SORCS1: variants seen among roughly 807,000 people sequenced by gnomAD.
SORCS1 encodes the protein VPS10 domain-containing receptor SorCS1.
A neutral mutation model predicts 146.1 loss-of-function variants in SORCS1; 60 were observed. That is an observed-to-expected ratio of 0.41 (90% CI 0.33 to 0.51). The LOEUF (loss-of-function observed/expected upper bound fraction) is 0.51, where lower values mean the gene tolerates loss of function less well. SORCS1 is among the 20% of genes least tolerant of loss of function. SORCS1 has a pLI of 0.21. For synonymous variants in SORCS1, 637 were observed against 584.0 expected (o/e 1.09, Z -1.31); for missense variants, 1,352 against 1,487.6 (o/e 0.91, Z 1.50).
intron 1 of SORCS1, among the ~76,000 whole-genome samples, chr10:107,027,083 T>C (rs1038940136): frequency 7.0e-6 from 1 of 142,784 alleles, no homozygotes; most frequent in African/African-American, 2.8e-5. Context: ...CAGATATACA[T>C]ATATATACAT....
chr10:106,764,551 CAGAACACGG>C (rs1564944772), intron 4 of SORCS1, among the ~76,000 whole-genome samples: 5 of 152,142 alleles, frequency 3.3e-5, no homozygotes, highest in Admixed American at 3.3e-4. Context: ...TTTTGACTGT[CAGAACACGG>C]AACTGAGAAC....
At chr10:107,087,822 T>C (rs7074109) in intron 1 of SORCS1, among the ~76,000 whole-genome samples, 69,090 of 152,176 alleles carry the variant, frequency 0.45, 16,129 homozygotes, top group Middle Eastern at 0.64. Context: ...TCTGCAGAAA[T>C]CTTCCCATAG....
At chr10:106,706,447 G>A in intron 8 of SORCS1, 98 bp downstream of exon 8, 1 of 1,163,556 alleles carries the variant, frequency 8.6e-7, no homozygotes, top group Admixed American at 1.8e-5. Context: ...AAGAAAACAT[G>A]ACTATGAGAG....
chr10:106,709,728 G>A (rs1296040660), intron 6 of SORCS1, among the ~76,000 whole-genome samples: 1 of 152,082 alleles, frequency 6.6e-6, no homozygotes, highest in Non-Finnish European at 1.5e-5. Context: ...GATTACAGGC[G>A]TGAGCCACCG....
At chr10:106,706,457 G>A (rs1854537803) in intron 8 of SORCS1, 88 bp downstream of exon 8, 1 of 1,262,614 alleles carries the variant, frequency 7.9e-7, no homozygotes, top group Non-Finnish European at 1.2e-6. Context: ...GACTATGAGA[G>A]GCTGAAAGAG....
intron 19 of SORCS1, among the ~76,000 whole-genome samples, chr10:106,623,618 C>T (rs760685081): frequency 6.6e-6 from 1 of 151,924 alleles, no homozygotes; most frequent in African/African-American, 2.4e-5. Flanking sequence ...AAATTCGAAT[C>T]TTGTTAGTAA....
chr10:106,679,957 T>C (rs1216377597), intron 10 of SORCS1, among the ~76,000 whole-genome samples: 1 of 152,178 alleles, frequency 6.6e-6, no homozygotes, highest in Non-Finnish European at 1.5e-5. Context: ...AAGACCACCT[T>C]CATTTTAGGT....
intron 1 of SORCS1, among the ~76,000 whole-genome samples, chr10:107,016,151 A>C (rs1374161742): frequency 2.6e-5 from 4 of 152,234 alleles, no homozygotes. Context: ...AGAATAGACA[A>C]ATTGACAAAC....
In SORCS1 at chr10:106,679,253, T is replaced by C. The variant is rs371839968; in HGVS notation, c.1740+3A>G. 270 of 1,608,764 alleles carry C rather than the reference T, an allele frequency of 1.7e-4. No homozygotes were observed. The highest frequency in any genetic ancestry group is 2.0e-4 in the Non-Finnish European group (241 of 1,177,424). On this transcript the variant is annotated splice_donor_region_variant and intron_variant, in intron 12 of 25. Transcript: ENST00000263054. ...AGCGATTTGACCCAGGGTATTTTCT[T>C]ACCTGTCTCCAGGTGTTCCCTGCAT...
chr10:106,821,925 A>G (rs974790939), intron 3 of SORCS1, among the ~76,000 whole-genome samples: 9 of 152,018 alleles, frequency 5.9e-5, no homozygotes, highest in Admixed American at 5.9e-4. Flanking sequence ...CCATCTCAAA[A>G]AAATAAAAAA....
intron 1 of SORCS1, among the ~76,000 whole-genome samples, chr10:107,054,468 C>G (rs1388788314): frequency 6.6e-6 from 1 of 152,062 alleles, no homozygotes. Context: ...GAGAGATTCC[C>G]ATGTATGTAT....
At position 106,760,579 on chromosome 10, in the gene SORCS1, G is replaced by A. The variant is rs1859018359; in HGVS notation, c.959+1009C>T. On this transcript the variant is annotated intron_variant, in intron 5 of 25. Coordinates refer to ENST00000263054, the MANE Select transcript of SORCS1 (RefSeq NM_052918.5). ...CAGGAACCAAATCTGCCGGCACATT[G>A]ATCTCGAACTCCCCAGCCTCCAGAA... is the stretch of plus-strand genomic sequence containing the variant. Among the ~76,000 whole-genome samples the A allele has an allele frequency of 2.0e-5, 3 of 151,568 alleles. No individual in the cohort carries two copies. In the South Asian group the frequency reaches 6.3e-4, roughly 32 times the overall value.
rs181038868 is a variant in SORCS1, at chr10:106,971,691, C to T, written c.559-15111G>A. Among the ~76,000 whole-genome samples, 10 of 152,296 alleles carry T rather than the reference C, an allele frequency of 6.6e-5. No individual in the cohort carries two copies. The East Asian group carries it at 1.4e-3, about 21-fold the overall frequency. ...AGGTTTATTGATTTTCCTGTTCTTT[C>T]GTTCAAGAGTGTTAGCTTTCATGCA... On this transcript the variant is annotated intron_variant, in intron 1 of 25. Coordinates refer to ENST00000263054, the MANE Select transcript of SORCS1 (RefSeq NM_052918.5).
intron 2 of SORCS1, among the ~76,000 whole-genome samples, chr10:106,920,141 C>T (rs1952642019): frequency 6.6e-6 from 1 of 152,142 alleles, no homozygotes; most frequent in African/African-American, 2.4e-5. Context: ...TACACCAGAA[C>T]AATGACCCCA....
At position 106,667,776 on chromosome 10, in the gene SORCS1, T is replaced by C. The variant is rs1851276444; in HGVS notation, c.2216A>G (p.Asn739Ser). The change falls in exon 17 of 26, where the codon AAT becomes AGT. Residue 739 changes from asparagine (N) to serine (S), a missense_variant. Coordinates refer to ENST00000263054, the MANE Select transcript of SORCS1 (RefSeq NM_052918.5). ...DCDYGYERHS[N>S]GQCLPAFWFN... is the part of the protein sequence containing the mutation. ...CCAAAATGCCGGCAGGCACTGGCCA[T>C]TGCTGTGTCGCTCATAACCATAGTC... 3 of 1,613,898 alleles carry C rather than the reference T, an allele frequency of 1.9e-6. No homozygotes were observed. The highest frequency in any genetic ancestry group is 2.2e-5 in the South Asian group (2 of 91,032).
At chr10:107,113,180 A>G (rs1250878978) in intron 1 of SORCS1, among the ~76,000 whole-genome samples, 1 of 152,242 alleles carries the variant, frequency 6.6e-6, no homozygotes, top group African/African-American at 2.4e-5. Flanking sequence ...ATGGTATAAA[A>G]CTATAAATCG....
At chr10:106,999,742 T>C (rs1030736743) in intron 1 of SORCS1, among the ~76,000 whole-genome samples, 6 of 152,214 alleles carry the variant, frequency 3.9e-5, no homozygotes, top group Admixed American at 1.3e-4. Flanking sequence ...ACCTCCTTAA[T>C]TCAGGTTTTA....
intron 2 of SORCS1, among the ~76,000 whole-genome samples, chr10:106,875,833 G>A (rs1950571691): frequency 6.6e-6 from 1 of 151,920 alleles, no homozygotes; most frequent in South Asian, 2.1e-4. Context: ...GGATAATTTT[G>A]GCTGCTGAAT....
chr10:106,673,885 T>C (rs1851799603), intron 14 of SORCS1, among the ~76,000 whole-genome samples: 1 of 152,198 alleles, frequency 6.6e-6, no homozygotes, highest in African/African-American at 2.4e-5. Flanking sequence ...GTCAGTTTTT[T>C]AAAATCTGTT....
Sources: gnomAD v4.1 joint callset for allele counts (sites outside exome capture counted in the v4.1 genomes callset) on GRCh38, gnomAD v4.1.1 for gene constraint, MANE v1.5 for transcripts, NCBI Gene and HGNC (gene_info 2026-07-23, HGNC 2026-07-21) for gene names.